Variants in NAAA observed in about 807,000 individuals in gnomAD.
NAAA encodes N-acylethanolamine-hydrolyzing acid amidase.
In NAAA, 39 loss-of-function variants were observed where a neutral mutation model predicts 44.8. The ratio of observed to expected loss-of-function variants is 0.87; its 90% CI spans 0.67 to 1.14. The LOEUF (loss-of-function observed/expected upper bound fraction) is 1.14, where lower values mean the gene tolerates loss of function less well. Among genes scored for constraint, NAAA ranks in the 50% most tolerant of loss-of-function variants. The pLI, the probability that NAAA is intolerant of heterozygous loss-of-function variation, is 0.00. For synonymous variants in NAAA, 178 were observed against 191.3 expected (o/e 0.93, Z 0.58); for missense variants, 460 against 467.8 (o/e 0.98, Z 0.15).
At chr4:75,927,693 A>G (rs1396976970) in intron 4 of NAAA, among the ~76,000 whole-genome samples, 2 of 145,556 alleles carry the variant, frequency 1.4e-5, no homozygotes, top group South Asian at 4.8e-4. Context: ...TGTAAAGAAA[A>G]GACAAATATT....
rs771681554 is a variant in NAAA at position 75,920,793 on chromosome 4, G to A, written c.847C>T (p.Arg283Ter). The A allele has an allele frequency of 1.4e-5, 23 of 1,614,022 alleles. No individual in the cohort carries two copies. The highest frequency in any genetic ancestry group is 8.8e-5 in the South Asian group (8 of 91,076). Residue 283 changes from arginine (R) to a stop codon, truncating the protein, a stop_gained, in exon 7 of 11, where the codon CGA becomes TGA. Coordinates refer to ENST00000286733, the MANE Select transcript of NAAA (RefSeq NM_014435.4). LOFTEE classifies it high-confidence loss of function. ...CAGTGGTCGTAATTTGTCTCAACTC[G>A]GAACCACCTACAACAGAGCACATCA... ...PLDPLNGAWF[R>*]VETNYDHWKP...
intron 1 of NAAA, 177 bp from the exon 2 acceptor site, chr4:75,940,342 G>A (rs1728150106): frequency 3.1e-6 from 2 of 648,888 alleles, no homozygotes; most frequent in South Asian, 4.5e-5. Flanking sequence ...GGGAGTGGGG[G>A]GAAGGGGGCG....
chr4:75,915,081 T>C, intron 9 of NAAA, 96 bp from the exon 10 acceptor site: 1 of 893,644 alleles, frequency 1.1e-6, no homozygotes, highest in East Asian at 2.4e-5. Flanking sequence ...ACTTGAGATC[T>C]GGGACAAGGC....
intron 4 of NAAA, among the ~76,000 whole-genome samples, chr4:75,927,676 T>G (rs1726856628): frequency 7.6e-6 from 1 of 132,384 alleles, no homozygotes; most frequent in Non-Finnish European, 1.6e-5. Flanking sequence ...AATTTGAATG[T>G]TTCTAGTGTA....
chr4:75,922,012 A>T (rs539916394), intron 5 of NAAA, among the ~76,000 whole-genome samples: 1 of 152,028 alleles, frequency 6.6e-6, no homozygotes, highest in Non-Finnish European at 1.5e-5. Flanking sequence ...TCCTGTCTCC[A>T]CCTTCACAAC....
At position 75,923,416 on chromosome 4, in the gene NAAA, C is replaced by T. The variant is rs141720047; in HGVS notation, c.667-2293G>A. 9.1e-3 allele frequency among the ~76,000 whole-genome samples: 1,383 copies of T among 152,216 alleles called. 6 individuals are homozygous for T. Among genetic ancestry groups the T allele is most frequent in the Middle Eastern group, 0.014 (4 of 294 alleles). ...TCTAACAAAGAGCAGCCTGAAAAAT[C>T]GAGCTGCAAACATAGACAAGCAAGC... On this transcript the variant is annotated intron_variant, in intron 5 of 10. Transcript: ENST00000286733.
At chr4:75,910,894 G>A (rs1725301745), downstream of NAAA, among the ~76,000 whole-genome samples, 1 of 152,152 alleles carries the variant, frequency 6.6e-6, no homozygotes, top group Non-Finnish European at 1.5e-5. Context: ...CGTGGGCTGA[G>A]TCCAAAAAAG....
At chr4:75,911,834 TA>T (rs1420550210), downstream of NAAA, among the ~76,000 whole-genome samples, 3 of 152,366 alleles carry the variant, frequency 2.0e-5, no homozygotes, top group Admixed American at 6.5e-5. Flanking sequence ...CCCATAATCC[TA>T]ATCTCATAGC....
chr4:75,930,409 A>G, intron 4 of NAAA: 1 of 503,632 alleles, frequency 2.0e-6, no homozygotes, highest in South Asian at 1.5e-5. Context: ...TTCATCTCAC[A>G]GCCTATTTCT....
At chr4:75,920,448 G>T (rs1275380468) in intron 7 of NAAA, among the ~76,000 whole-genome samples, 2 of 152,078 alleles carry the variant, frequency 1.3e-5, no homozygotes, top group Non-Finnish European at 2.9e-5. Flanking sequence ...TTACAGACTG[G>T]TAAACAGAGG....
In NAAA at chr4:75,936,207, A is replaced by G; in HGVS notation, c.400T>C (p.Ser134Pro). 6.2e-7 allele frequency: 1 copy of G among 1,613,972 alleles called. No individual in the cohort carries two copies. Among genetic ancestry groups the G allele is most frequent in the Non-Finnish European group, 8.5e-7 (1 of 1,179,886 alleles). The change falls in exon 3 of 11, where the codon TCC becomes CCC. Residue 134 changes from serine to proline, a missense_variant. Ser to Pro is a moderately conservative substitution (Grantham distance 74). Transcript: ENST00000286733. ...VFCTSIVAQD[S>P]RGHIYHGRNL... is the part of the protein sequence containing the mutation. Reference sequence around the variant, plus strand: ...CGACCATGGTAAATGTGGCCTCTGGAGTCTTGAGCCACAATACTGGTGCAG... The same window carrying G: ...CGACCATGGTAAATGTGGCCTCTGGGGTCTTGAGCCACAATACTGGTGCAG...
chr4:75,930,541 C>T, intron 4 of NAAA: 4 of 511,546 alleles, frequency 7.8e-6, no homozygotes, highest in South Asian at 5.7e-5. Context: ...ACAAATGTGG[C>T]TTGTATAACA....
intron 9 of NAAA, among the ~76,000 whole-genome samples, chr4:75,918,325 C>T (rs1361659372): frequency 1.3e-5 from 2 of 151,960 alleles, no homozygotes; most frequent in Non-Finnish European, 2.9e-5. Flanking sequence ...CGTGGTGGCA[C>T]GAGCCTGTAG....
chr4:75,920,627 T>C, intron 7 of NAAA, 111 bp downstream of exon 7: 1 of 1,358,898 alleles, frequency 7.4e-7, no homozygotes, highest in Non-Finnish European at 1.0e-6. Context: ...CTCAGGTACA[T>C]TTTCTGGGAG....
At chr4:75,924,829 T>C (rs536473903) in intron 5 of NAAA, among the ~76,000 whole-genome samples, 2 of 152,274 alleles carry the variant, frequency 1.3e-5, no homozygotes, top group South Asian at 4.1e-4. Flanking sequence ...CAAATACTAA[T>C]AGTTTCTAAC....
chr4:75,914,602 C>G (rs1356197555), intron 10 of NAAA, among the ~76,000 whole-genome samples: 5 of 152,066 alleles, frequency 3.3e-5, no homozygotes, highest in Admixed American at 6.6e-5. Flanking sequence ...TGGTCTTGAA[C>G]TCCTGACCTC....
rs974170778 is a variant in NAAA, at chr4:75,940,636, G to A, written c.206+108C>T. On this transcript the variant is annotated intron_variant, in intron 1 of 10. Transcript: ENST00000286733. The stretch of plus-strand genomic sequence containing the variant: ...GGCAGCCAAAACCAGTTCTCCAAGG[G>A]TGGCGGGGAGTAAAGCGTCCCCGTT... 2.4e-6 allele frequency: 3 copies of A among 1,230,822 alleles called. No homozygotes were observed. In the African/African-American group the frequency reaches 4.6e-5, roughly 19 times the overall value. The allele number at this position is 1,230,822 out of a possible 1,614,324, so 76.2% of individuals were successfully genotyped here. A position where few individuals can be genotyped will look rare whatever the true frequency, so the allele number is the denominator to read the frequency against.
At chr4:75,921,320 A>G (rs1726146773) in intron 5 of NAAA, among the ~76,000 whole-genome samples, 197 bp from the exon 6 acceptor site, 1 of 152,270 alleles carries the variant, frequency 6.6e-6, no homozygotes. Flanking sequence ...AGCCAGGAGC[A>G]GCAGGAAATT....
At chr4:75,920,907 T>C in intron 6 of NAAA, 44 bp downstream of exon 6, 1 of 1,613,216 alleles carries the variant, frequency 6.2e-7, no homozygotes. Context: ...TTAAAAAAAA[T>C]GATTATCTGA....
Sources: allele counts gnomAD v4.1 joint callset (sites outside exome capture counted in the v4.1 genomes callset), GRCh38; gene constraint gnomAD v4.1.1; transcripts MANE v1.5; gene names NCBI Gene and HGNC (gene_info 2026-07-23, HGNC 2026-07-21).